RUNX3: variants seen among roughly 807,000 people sequenced by gnomAD.
RUNX3 encodes the protein RUNX family transcription factor 3, also known as runt-related transcription factor 3.
RUNX3 carries 10 observed loss-of-function variants against 27.7 expected under a neutral mutation model. The ratio of observed to expected loss-of-function variants is 0.36; its 90% CI spans 0.22 to 0.61. The LOEUF is 0.61. RUNX3 is among the 20% of genes least tolerant of loss of function. The pLI, the probability that RUNX3 is intolerant of heterozygous loss-of-function variation, is 0.72. For missense variants in RUNX3, 469 were observed against 629.5 expected, an observed-to-expected ratio of 0.75 and a Z score of 2.73; for synonymous variants, 270 against 269.2, an observed-to-expected ratio of 1.00 and a Z score of -0.03.
chr1:24,940,031 A>G (rs1247194930), intron 2 of RUNX3, among the ~76,000 whole-genome samples: 9 of 152,218 alleles, frequency 5.9e-5, no homozygotes, highest in Admixed American at 5.9e-4. Context: ...ATGATGAACT[A>G]TTAAAGCAAC....
At chr1:24,913,846 C>T (rs1266122489) in intron 3 of RUNX3, among the ~76,000 whole-genome samples, 1 of 152,192 alleles carries the variant, frequency 6.6e-6, no homozygotes, top group East Asian at 1.9e-4. Context: ...TCAGGGTTAC[C>T]CCCTTGCCTC....
rs771588241 is a variant in RUNX3, at chr1:24,907,333, G to C, written c.629C>G (p.Pro210Arg). 1 of 1,613,582 alleles carries C rather than the reference G, an allele frequency of 6.2e-7. No homozygotes were observed. The highest frequency in any genetic ancestry group is 1.7e-5 in the Admixed American group (1 of 60,016). ...DLERLRMRVT[P>R]STPSPRGSLS... ...TGAGCCTCGGGGGCTGGGTGTGCTC[G>C]GTGTCACCCGCATGCGCAGCCGTTC... Residue 210 changes from proline to arginine, a missense_variant, in exon 4 of 5, where the codon CCG (proline) becomes CGG (arginine). Coordinates refer to ENST00000308873, the MANE Select transcript of RUNX3 (RefSeq NM_004350.3).
chr1:24,906,554 T>C (rs1640668066), intron 4 of RUNX3, among the ~76,000 whole-genome samples: 1 of 152,200 alleles, frequency 6.6e-6, no homozygotes, highest in Non-Finnish European at 1.5e-5. Context: ...AGTGAGCGGC[T>C]ACTATGCGCC....
chr1:24,944,212 A>T (rs1052864056), intron 2 of RUNX3, among the ~76,000 whole-genome samples: 2 of 151,872 alleles, frequency 1.3e-5, no homozygotes, highest in African/African-American at 4.8e-5. Context: ...GGTCTACATG[A>T]CCTGCCACCC....
At chr1:24,959,018 C>T (rs538035758) in intron 2 of RUNX3, among the ~76,000 whole-genome samples, 8 of 152,326 alleles carry the variant, frequency 5.3e-5, no homozygotes, top group South Asian at 2.1e-4. Context: ...TGGAGGAGTC[C>T]GGACTGGCTC....
intron 3 of RUNX3, among the ~76,000 whole-genome samples, chr1:24,915,810 G>A (rs973213164): frequency 3.3e-5 from 5 of 152,166 alleles, no homozygotes; most frequent in Admixed American, 6.5e-5. Context: ...CTAGGGGGGC[G>A]TGAGGGCCTT....
intron 3 of RUNX3, among the ~76,000 whole-genome samples, chr1:24,915,653 G>T (rs1390707925): frequency 6.6e-6 from 1 of 152,100 alleles, no homozygotes. Flanking sequence ...ATCTGGGGGT[G>T]TCCGGGGAGG....
intron 2 of RUNX3, among the ~76,000 whole-genome samples, chr1:24,921,093 CAAGGA>C (rs1640991452): frequency 1.3e-5 from 2 of 152,168 alleles, no homozygotes; most frequent in South Asian, 4.1e-4. Flanking sequence ...ACAGGATGGT[CAAGGA>C]GAGAGGCTGC....
At chr1:24,926,744 G>C (rs952080425) in intron 2 of RUNX3, among the ~76,000 whole-genome samples, 3 of 152,200 alleles carry the variant, frequency 2.0e-5, no homozygotes, top group African/African-American at 4.8e-5. Context: ...CAAAGCTAGA[G>C]GCGGGCCTGG....
Position 24,935,788 on chromosome 1 carries a change from C to T in RUNX3, c.59-5936G>A, listed in dbSNP as rs12402424. 2.6e-3 allele frequency among the ~76,000 whole-genome samples: 391 copies of T among 152,338 alleles called. 5 individuals carry two copies. The highest frequency in any genetic ancestry group is 0.022 in the East Asian group (116 of 5,196). On this transcript the variant is annotated intron_variant, in intron 2 of 6. Transcript: ENST00000338888. ...CACCTGCCGCATGCTGGGAGTTTTC[C>T]GCCAATTGTCGCTCACCCTCAGGTG...
intron 2 of RUNX3, among the ~76,000 whole-genome samples, chr1:24,938,454 G>A (rs984861339): frequency 1.6e-4 from 25 of 152,158 alleles, no homozygotes; most frequent in Non-Finnish European, 3.1e-4. Flanking sequence ...CAGCTGGCCC[G>A]GTTGCCTCTG....
intron 2 of RUNX3, among the ~76,000 whole-genome samples, chr1:24,963,752 CAGG>C (rs1383370338): frequency 1.3e-5 from 2 of 152,108 alleles, no homozygotes; most frequent in Non-Finnish European, 2.9e-5. Context: ...CAGACAGAGG[CAGG>C]AGAAGTCTCC....
intron 3 of RUNX3, among the ~76,000 whole-genome samples, chr1:24,911,758 C>T (rs1640801147): frequency 6.6e-6 from 1 of 151,952 alleles, no homozygotes; most frequent in South Asian, 2.1e-4. Flanking sequence ...CCCTTTTGTT[C>T]CCATTGTTTA....
chr1:24,958,757 C>T (rs72876155), intron 2 of RUNX3, among the ~76,000 whole-genome samples: 5,990 of 152,232 alleles, frequency 0.039, 402 homozygotes, highest in African/African-American at 0.14. Flanking sequence ...GGCAGGCCCA[C>T]GGACTGAAGC....
intron 2 of RUNX3, among the ~76,000 whole-genome samples, chr1:24,937,666 G>T (rs969411316): frequency 1.3e-5 from 2 of 152,204 alleles, no homozygotes; most frequent in Admixed American, 6.5e-5. Flanking sequence ...TGCCCAGGGG[G>T]ATGGGGATAC....
At chr1:24,922,466 C>T (rs1641018412) in intron 2 of RUNX3, among the ~76,000 whole-genome samples, 1 of 152,166 alleles carries the variant, frequency 6.6e-6, no homozygotes, top group Admixed American at 6.5e-5. Context: ...GAGGTATTAT[C>T]AGCCGTACCT....
chr1:24,936,434 G>C (rs912645435), intron 2 of RUNX3, among the ~76,000 whole-genome samples: 1 of 152,208 alleles, frequency 6.6e-6, no homozygotes, highest in Non-Finnish European at 1.5e-5. Context: ...CAGATGCTCA[G>C]AGTTACAGTC....
chr1:24,944,326 G>C (rs1641552176), intron 2 of RUNX3, among the ~76,000 whole-genome samples: 1 of 152,104 alleles, frequency 6.6e-6, no homozygotes, highest in South Asian at 2.1e-4. Flanking sequence ...CAGGGCCTTT[G>C]TCTGTGCTGC....
rs1641770368 is a variant in RUNX3, at chr1:24,951,658, G to A, written c.58+12856C>T. Among the ~76,000 whole-genome samples the A allele has an allele frequency of 1.3e-5, 2 of 152,190 alleles. 1 individual carries two copies. The highest frequency in any genetic ancestry group is 4.1e-4 in the South Asian group (2 of 4,832). ...GGCACCACCAGCTCTTGCCAGAAAT[G>A]GGGCCAAGAGAAGACCAAGGATGCT... is the stretch of plus-strand genomic sequence containing the variant. On this transcript the variant is annotated intron_variant, in intron 2 of 6. Transcript: ENST00000338888.
Sources: gnomAD v4.1 joint callset for allele counts (sites outside exome capture counted in the v4.1 genomes callset) on GRCh38, gnomAD v4.1.1 for gene constraint, MANE v1.5 for transcripts, NCBI Gene and HGNC (gene_info 2026-07-23, HGNC 2026-07-21) for gene names.